The following DLG2 variants were observed in gnomAD, a reference collection of about 807,000 sequenced individuals.
DLG2 encodes the protein discs large MAGUK scaffold protein 2, also known as disks large homolog 2.
Under a neutral mutation model 132.5 loss-of-function variants are expected in DLG2, and 45 were observed. That is an observed-to-expected ratio of 0.34 (90% CI 0.27 to 0.44). The LOEUF (loss-of-function observed/expected upper bound fraction) is 0.44. Ranked by LOEUF, DLG2 falls within the 20% of genes least tolerant of loss-of-function variation. DLG2 has a pLI of 1.00. For missense variants in DLG2, 1,045 were observed against 1,196.9 expected (o/e 0.87, Z 1.87); for synonymous variants, 424 against 419.6 (o/e 1.01, Z -0.13).
intron 6 of DLG2, among the ~76,000 whole-genome samples, chr11:84,660,930 G>A (rs1183340828): frequency 6.6e-6 from 1 of 152,100 alleles, no homozygotes; most frequent in Non-Finnish European, 1.5e-5. Flanking sequence ...TGGCCTGAAG[G>A]ACTCAACTTC....
rs71465960 is a variant in DLG2 at position 84,331,441 on chromosome 11, CAAAAAAA to C, written c.520-80157_520-80151del. Among the ~76,000 whole-genome samples the C allele has an allele frequency of 1.3e-4, 15 of 119,784 alleles. No individual in the cohort carries two copies. In the South Asian group the frequency reaches 1.4e-3, roughly 11 times the overall value. 78.6% of individuals were successfully genotyped at this position (119,784 alleles called of 152,430 possible). A position where few individuals can be genotyped will look rare whatever the true frequency, so the allele number is the denominator to read the frequency against. ...TCCCACTTCACCATGTTACTTATCT[CAAAAAAA>C]AAAAAAAAAAAAATAAATAAATAAA... is the stretch of plus-strand genomic sequence containing the variant. On this transcript the variant is annotated intron_variant, in intron 7 of 27. Transcript: ENST00000376104.
intron 7 of DLG2, among the ~76,000 whole-genome samples, chr11:84,509,147 T>C (rs1313155757): frequency 6.6e-6 from 1 of 152,232 alleles, no homozygotes; most frequent in Non-Finnish European, 1.5e-5. Context: ...ACTGGAGTTT[T>C]AATGCTCACC....
intron 16 of DLG2, among the ~76,000 whole-genome samples, chr11:83,866,765 T>A (rs1261944969): frequency 6.6e-6 from 1 of 152,006 alleles, no homozygotes; most frequent in Admixed American, 6.6e-5. Context: ...AAAATAAACA[T>A]CTCTAACTTC....
At chr11:84,654,260 G>A (rs1014547706) in intron 6 of DLG2, among the ~76,000 whole-genome samples, 16 of 152,114 alleles carry the variant, frequency 1.1e-4, no homozygotes, top group Non-Finnish European at 2.2e-4. Context: ...GAATCTTGAA[G>A]ATTATCAGAT....
intron 6 of DLG2, among the ~76,000 whole-genome samples, chr11:84,602,585 T>C (rs2099578557): frequency 6.6e-6 from 1 of 151,976 alleles, no homozygotes; most frequent in Non-Finnish European, 1.5e-5. Flanking sequence ...AGTGATCCCA[T>C]CTACATATAT....
chr11:84,106,014 C>T (rs961940097), intron 9 of DLG2, among the ~76,000 whole-genome samples: 5 of 151,966 alleles, frequency 3.3e-5, no homozygotes, highest in Non-Finnish European at 7.4e-5. Context: ...GCACCCTGAT[C>T]GAAAATTACT....
At chr11:85,370,344 G>C (rs1360316631) in intron 3 of DLG2, among the ~76,000 whole-genome samples, 1 of 152,146 alleles carries the variant, frequency 6.6e-6, no homozygotes, top group Non-Finnish European at 1.5e-5. Flanking sequence ...TAGAGTTAAA[G>C]GATTGTTTTG....
intron 21 of DLG2, among the ~76,000 whole-genome samples, chr11:83,495,288 A>G (rs970085755): frequency 3.9e-5 from 6 of 152,132 alleles, no homozygotes; most frequent in Non-Finnish European, 8.8e-5. Flanking sequence ...ATGACATGCT[A>G]TTATCAGAAA....
At chr11:84,671,676 A>G (rs1424501224) in intron 6 of DLG2, among the ~76,000 whole-genome samples, 3 of 152,198 alleles carry the variant, frequency 2.0e-5, no homozygotes, top group Admixed American at 6.5e-5. Flanking sequence ...AAATTCTGGA[A>G]TAATTAGAAA....
intron 17 of DLG2, 26 bp downstream of exon 17, chr11:83,833,588 A>T: frequency 6.3e-7 from 1 of 1,598,136 alleles, no homozygotes; most frequent in Non-Finnish European, 8.5e-7. Context: ...ATATGGAGGG[A>T]ATAAAGATTA....
chr11:84,801,473 A>C, intron 6 of DLG2, among the ~76,000 whole-genome samples: 1 of 152,196 alleles, frequency 6.6e-6, no homozygotes, highest in Non-Finnish European at 1.5e-5. Context: ...CAGGAGGCTG[A>C]GGCAGGAGAA....
intron 3 of DLG2, among the ~76,000 whole-genome samples, chr11:85,433,404 T>C (rs948512222): frequency 6.6e-6 from 1 of 152,178 alleles, no homozygotes; most frequent in Non-Finnish European, 1.5e-5. Flanking sequence ...ACCAGTGTTC[T>C]GTATTCAAGA....
chr11:84,668,368 G>A (rs1434980164), intron 6 of DLG2, among the ~76,000 whole-genome samples: 3 of 152,032 alleles, frequency 2.0e-5, no homozygotes, highest in Non-Finnish European at 4.4e-5. Flanking sequence ...TTTAAAGATA[G>A]GTTTTGTCAA....
At chr11:84,268,610 T>C (rs559366468) in intron 7 of DLG2, among the ~76,000 whole-genome samples, 145 of 150,526 alleles carry the variant, frequency 9.6e-4, no homozygotes, top group African/African-American at 3.4e-3. Flanking sequence ...TACAGGCGCA[T>C]GCCACCACGC....
At chr11:85,240,422 T>C (rs933347289) in intron 4 of DLG2, among the ~76,000 whole-genome samples, 1 of 151,872 alleles carries the variant, frequency 6.6e-6, no homozygotes, top group South Asian at 2.1e-4. Context: ...AAAGCTCTTA[T>C]GTTTTAAAGT....
At chr11:85,290,257 G>A (rs964846675) in intron 3 of DLG2, among the ~76,000 whole-genome samples, 7 of 152,024 alleles carry the variant, frequency 4.6e-5, no homozygotes, top group Non-Finnish European at 1.0e-4. Flanking sequence ...TCTTGAAGAC[G>A]TGTCCATTTT....
intron 8 of DLG2, among the ~76,000 whole-genome samples, chr11:84,173,955 C>G (rs977910698): frequency 3.4e-5 from 5 of 145,740 alleles, no homozygotes; most frequent in Admixed American, 7.1e-5. Flanking sequence ...TGAACATTTG[C>G]CAAGCTCTGT....
At chr11:84,221,840 T>A (rs2096920341) in intron 8 of DLG2, among the ~76,000 whole-genome samples, 1 of 152,130 alleles carries the variant, frequency 6.6e-6, no homozygotes, top group African/African-American at 2.4e-5. Flanking sequence ...GAATGATAGA[T>A]AAATTTGGCC....
intron 20 of DLG2, among the ~76,000 whole-genome samples, chr11:83,540,774 C>A (rs1003748786): frequency 2.6e-5 from 4 of 152,166 alleles, no homozygotes; most frequent in African/African-American, 9.7e-5. Flanking sequence ...GATCAAAGCC[C>A]TTTGAGAAAT....
Sources: gnomAD v4.1 joint callset for allele counts (sites outside exome capture counted in the v4.1 genomes callset) on GRCh38, gnomAD v4.1.1 for gene constraint, MANE v1.5 for transcripts, NCBI Gene and HGNC (gene_info 2026-07-23, HGNC 2026-07-21) for gene names.